The following PLEKHG5 variants were observed in gnomAD, a reference collection of about 807,000 sequenced individuals.
The protein encoded by PLEKHG5 is pleckstrin homology and RhoGEF domain containing G5.
PLEKHG5 carries 52 observed loss-of-function variants against 103.8 expected under a neutral mutation model. The ratio of observed to expected loss-of-function variants is 0.50; its 90% CI spans 0.40 to 0.63. The LOEUF (loss-of-function observed/expected upper bound fraction) is 0.63. Among genes scored for constraint, PLEKHG5 ranks in the 30% least tolerant of loss-of-function variants. PLEKHG5 has a pLI of 0.00. For missense variants in PLEKHG5, 1,205 were observed against 1,347.6 expected (o/e 0.89, Z 1.66); for synonymous variants, 592 against 575.5 (o/e 1.03, Z -0.41).
At chr1:6,502,596 C>T (rs549529183) in intron 1 of PLEKHG5, among the ~76,000 whole-genome samples, 2 of 152,354 alleles carry the variant, frequency 1.3e-5, no homozygotes, top group African/African-American at 2.4e-5. Context: ...TGCCCATCTG[C>T]CCCCCGTGGG....
intron 1 of PLEKHG5, among the ~76,000 whole-genome samples, chr1:6,506,971 C>T (rs886993051): frequency 2.0e-5 from 3 of 152,186 alleles, no homozygotes; most frequent in South Asian, 4.2e-4. Flanking sequence ...TCCCGAGCGG[C>T]GGGTGGAGCT....
At chr1:6,511,651 G>A (rs1638474610) in intron 1 of PLEKHG5, among the ~76,000 whole-genome samples, 1 of 152,230 alleles carries the variant, frequency 6.6e-6, no homozygotes, top group African/African-American at 2.4e-5. Context: ...GTGAGATGGG[G>A]GACTGAGGCA....
chr1:6,516,932 A>C (rs1638642866), intron 1 of PLEKHG5, among the ~76,000 whole-genome samples: 1 of 144,380 alleles, frequency 6.9e-6, no homozygotes, highest in Non-Finnish European at 1.5e-5. Flanking sequence ...ACACATGTAC[A>C]CTTTTGTTCT....
chr1:6,482,766 T>C (rs1644935408), intron 1 of PLEKHG5, among the ~76,000 whole-genome samples: 1 of 152,188 alleles, frequency 6.6e-6, no homozygotes, highest in African/African-American at 2.4e-5. Flanking sequence ...TGGAGAGCAG[T>C]GGCATGATCT....
chr1:6,476,152 A>T, intron 2 of PLEKHG5, 116 bp from the exon 3 acceptor site: 1 of 842,860 alleles, frequency 1.2e-6, no homozygotes, highest in Non-Finnish European at 2.0e-6. Context: ...AAAGGTAGCA[A>T]GGGCCCTTCA....
At chr1:6,506,653 G>A (rs1386072788) in intron 1 of PLEKHG5, among the ~76,000 whole-genome samples, 3 of 152,172 alleles carry the variant, frequency 2.0e-5, no homozygotes, top group African/African-American at 7.2e-5. Context: ...CTGTGGGGAC[G>A]CCGTGGGCTG....
intron 1 of PLEKHG5, among the ~76,000 whole-genome samples, chr1:6,483,902 T>C (rs984381128): frequency 6.6e-6 from 1 of 152,204 alleles, no homozygotes; most frequent in African/African-American, 2.4e-5. Flanking sequence ...TGGCCCTCTG[T>C]GAACCCAGCC....
chr1:6,488,356 G>A (rs767630039), intron 1 of PLEKHG5, among the ~76,000 whole-genome samples: 2 of 152,258 alleles, frequency 1.3e-5, no homozygotes, highest in Non-Finnish European at 2.9e-5. Flanking sequence ...TCAGGCACAG[G>A]GCAGGCGTGG....
upstream of PLEKHG5, among the ~76,000 whole-genome samples, chr1:6,493,550 G>A (rs1283828701): frequency 6.6e-6 from 1 of 152,156 alleles, no homozygotes; most frequent in African/African-American, 2.4e-5. Context: ...TAAGAATAAC[G>A]CTGTTCTCCT....
chr1:6,470,629 C>T lies in PLEKHG5; in HGVS notation c.1557G>A (p.Glu519=). Residue 519 remains glutamate, a synonymous_variant, in exon 15 of 21, where the codon GAG becomes GAA. Coordinates refer to ENST00000377728, the MANE Select transcript of PLEKHG5 (RefSeq NM_020631.6). The stretch of plus-strand genomic sequence containing the variant: ...ACGCGTTCACGTGGTGGATGAAGCG[C>T]TCCACGGAGCCGATCTAGGGGCAGG... ...EAVVAMIGSV[E]RFIHHVNACM... 1.3e-6 allele frequency: 2 copies of T among 1,580,280 alleles called. No homozygotes were observed. The highest frequency in any genetic ancestry group is 1.7e-6 in the Non-Finnish European group (2 of 1,168,870).
At chr1:6,504,527 C>T (rs1638247892) in intron 1 of PLEKHG5, among the ~76,000 whole-genome samples, 1 of 151,986 alleles carries the variant, frequency 6.6e-6, no homozygotes, top group African/African-American at 2.4e-5. Flanking sequence ...CACCCGGCAT[C>T]GTCCTCTCTC....
At chr1:6,516,619 T>C (rs1396053983) in intron 1 of PLEKHG5, among the ~76,000 whole-genome samples, 1 of 152,004 alleles carries the variant, frequency 6.6e-6, no homozygotes, top group Non-Finnish European at 1.5e-5. Flanking sequence ...ATCACACCAC[T>C]GCACTCCAGC....
At chr1:6,471,384 T>A in intron 12 of PLEKHG5, 104 bp downstream of exon 12, 1 of 1,318,606 alleles carries the variant, frequency 7.6e-7, no homozygotes, top group Non-Finnish European at 1.0e-6. Flanking sequence ...GTTACGGGCC[T>A]GGGGGAGGTT....
intron 1 of PLEKHG5, among the ~76,000 whole-genome samples, chr1:6,518,755 A>G (rs534913081): frequency 7.2e-5 from 11 of 152,240 alleles, no homozygotes; most frequent in African/African-American, 2.2e-4. Context: ...CCCACTTTCT[A>G]TGTCACAGAG....
intron 1 of PLEKHG5, among the ~76,000 whole-genome samples, chr1:6,502,855 T>C (rs1645311605): frequency 6.6e-6 from 1 of 152,154 alleles, no homozygotes; most frequent in African/African-American, 2.4e-5. Context: ...CCTCAGCTCA[T>C]GCATGAGACC....
Position 6,473,301 on chromosome 1 carries a change from G to A in PLEKHG5, c.745C>T (p.Arg249Cys), listed in dbSNP as rs1436222408. Residue 249 changes from arginine (R) to cysteine (C), a missense_variant, in exon 8 of 21, where the codon CGC becomes TGC. Physicochemically the swap from Arg to Cys is radical, Grantham distance 180. Transcript: ENST00000377728. The stretch of plus-strand genomic sequence containing the variant: ...CCGGAGCTGAAAAAGCCGCTGAAGC[G>A]ACTGGCCGCCCGGTTCTTCCAGCTG... ...GDSWKNRAASRFSGFFSSGPS... is the reference protein window; with the variant it reads ...GDSWKNRAASCFSGFFSSGPS... The A allele has an allele frequency of 2.5e-6, 4 of 1,586,494 alleles. No individual in the cohort carries two copies. The highest frequency in any genetic ancestry group is 2.3e-5 in the South Asian group (2 of 87,972).
At chr1:6,499,530 C>T (rs796124322), upstream of PLEKHG5, among the ~76,000 whole-genome samples, 11 of 152,258 alleles carry the variant, frequency 7.2e-5, no homozygotes, top group African/African-American at 2.4e-4. Flanking sequence ...TCCTGCATTG[C>T]GTAGGCGAGC....
chr1:6,497,072 C>T (rs1184829497), upstream of PLEKHG5: 2 of 1,489,666 alleles, frequency 1.3e-6, no homozygotes, highest in Non-Finnish European at 1.8e-6. The surrounding 1 kb of genome is among the most constrained non-coding windows in gnomAD (Gnocchi z 6.1). Flanking sequence ...TGCCTCTCTT[C>T]CTGGGGGCTG....
In PLEKHG5 at chr1:6,472,632, G is replaced by C; in HGVS notation, c.985-10C>G. On this transcript the variant is annotated splice_polypyrimidine_tract_variant and intron_variant, in intron 9 of 20. Transcript: ENST00000377728. ...GCCGCCGGGTCAGCTTCTAGAGGGA[G>C]GGCAGGATGGGTCATTCACGAGGCC... 6.2e-7 allele frequency: 1 copy of C among 1,601,956 alleles called. No individual in the cohort carries two copies. The highest frequency in any genetic ancestry group is 8.5e-7 in the Non-Finnish European group (1 of 1,170,996).
Sources: allele counts gnomAD v4.1 joint callset (sites outside exome capture counted in the v4.1 genomes callset), GRCh38; gene constraint gnomAD v4.1.1; non-coding constraint Gnocchi (gnomAD v3.1); transcripts MANE v1.5; gene names NCBI Gene and HGNC (gene_info 2026-07-23, HGNC 2026-07-21).